CCDC66: variants seen among roughly 807,000 people sequenced by gnomAD.
CCDC66 encodes the protein coiled-coil domain-containing protein 66.
In CCDC66, 133 loss-of-function variants were observed where a neutral mutation model predicts 128.3. That is an observed-to-expected ratio of 1.04 (90% confidence interval 0.90 to 1.20). CCDC66 has a LOEUF of 1.20. CCDC66 is among the 50% of genes most tolerant of loss of function. The probability of loss-of-function intolerance (pLI) is 0.00; values close to 1 mark genes in which losing one functional copy is unlikely to be tolerated. For synonymous variants in CCDC66, 387 were observed against 357.0 expected, an observed-to-expected ratio of 1.08 and a Z score of -0.95; for missense variants, 1,126 against 1,075.5, an observed-to-expected ratio of 1.05 and a Z score of -0.66.
At chr3:56,565,773 TCTC>T (rs1232083703) in intron 4 of CCDC66, among the ~76,000 whole-genome samples, 3 of 151,082 alleles carry the variant, frequency 2.0e-5, no homozygotes, top group African/African-American at 7.3e-5. Flanking sequence ...TTCACGCCAT[TCTC>T]CTGCCTCAGC....
intron 3 of CCDC66, chr3:56,563,453 G>A (rs967873444): frequency 4.5e-6 from 2 of 441,142 alleles, no homozygotes; most frequent in Non-Finnish European, 4.0e-6. Flanking sequence ...ATTCAAAGCT[G>A]GAGTATAGTG....
intron 16 of CCDC66, 30 bp downstream of exon 16, chr3:56,619,557 A>G (rs921013956): frequency 2.6e-6 from 4 of 1,544,646 alleles, no homozygotes; most frequent in African/African-American, 1.7e-5. Flanking sequence ...TCTAACTGTA[A>G]AAATTGAAGA....
intron 12 of CCDC66, 127 bp downstream of exon 12, chr3:56,615,399 C>A: frequency 1.2e-6 from 1 of 837,712 alleles, no homozygotes; most frequent in Non-Finnish European, 1.8e-6. Context: ...GGTGCCATCA[C>A]AGCTCACTGC....
intron 10 of CCDC66, among the ~76,000 whole-genome samples, chr3:56,596,249 C>G (rs1362478791): frequency 6.6e-6 from 1 of 152,114 alleles, no homozygotes; most frequent in Non-Finnish European, 1.5e-5. Context: ...GCCATTCTAA[C>G]TGAGGCGATA....
At chr3:56,583,965 C>T (rs1458022625) in intron 7 of CCDC66, among the ~76,000 whole-genome samples, 8 of 74,138 alleles carry the variant, frequency 1.1e-4, no homozygotes, top group Non-Finnish European at 2.0e-4. Flanking sequence ...GCTGGCCGGG[C>T]GGGGGCTGCC....
chr3:56,583,444 C>A (rs977372107), intron 7 of CCDC66, among the ~76,000 whole-genome samples: 2 of 151,756 alleles, frequency 1.3e-5, no homozygotes, highest in African/African-American at 4.8e-5. Context: ...GAGGACCCTG[C>A]GGCCTTCCGC....
At chr3:56,576,288 T>A (rs1032958702) in intron 7 of CCDC66, among the ~76,000 whole-genome samples, 1 of 151,232 alleles carries the variant, frequency 6.6e-6, no homozygotes, top group African/African-American at 2.4e-5. Context: ...ATTTTTTTTG[T>A]TTTTTTATAT....
At chr3:56,586,709 C>T (rs773389541) in intron 7 of CCDC66, among the ~76,000 whole-genome samples, 1 of 151,688 alleles carries the variant, frequency 6.6e-6, no homozygotes, top group African/African-American at 2.4e-5. Context: ...ACTCCAAAGA[C>T]TTGATGCTTA....
intron 7 of CCDC66, among the ~76,000 whole-genome samples, chr3:56,575,772 G>A (rs1404734266): frequency 6.6e-6 from 1 of 151,740 alleles, no homozygotes; most frequent in Non-Finnish European, 1.5e-5. Flanking sequence ...TAAGGTCAGG[G>A]CCCTACTTTA....
chr3:56,560,134 T>C lies in CCDC66; in HGVS notation c.102+540T>C, dbSNP rs79324741. 3.8e-3 allele frequency among the ~76,000 whole-genome samples: 578 copies of C among 152,374 alleles called. 3 individuals are homozygous for C. Among genetic ancestry groups the C allele is most frequent in the African/African-American group, 0.014 (562 of 41,592 alleles). On this transcript the variant is annotated intron_variant, in intron 3 of 17. Transcript: ENST00000394672. ...GTAGCATGCATTTAGCATTTTCCTT[T>C]AAAAGGTTGCACTTGAGCTTAAGGG...
chr3:56,584,668 C>T (rs151315233), intron 7 of CCDC66, among the ~76,000 whole-genome samples: 4,861 of 151,786 alleles, frequency 0.032, 258 homozygotes, highest in African/African-American at 0.11. Flanking sequence ...GGCAGAGACG[C>T]TCCTCACTTC....
In CCDC66 at chr3:56,621,829, A is replaced by AC. The variant is rs907400637; in HGVS notation, c.*211_*212insC. 7.2e-6 allele frequency: 2 copies of AC among 277,376 alleles called. No homozygotes were observed. The allele number at this position is 277,376 out of a possible 1,614,324, so 17.2% of individuals were successfully genotyped here. A position where few individuals can be genotyped will look rare whatever the true frequency, so the allele number is the denominator to read the frequency against. On this transcript the variant is annotated 3_prime_UTR_variant, in exon 18 of 18. Transcript: ENST00000394672. Reference sequence around the variant, plus strand: ...TAAAAGCTTAGTAGTAAAAAAAAAAAAAAAAAAACCGGTTCTTCTGCTCTG... The same window carrying AC: ...TAAAAGCTTAGTAGTAAAAAAAAAAACAAAAAAAACCGGTTCTTCTGCTCTG...
At chr3:56,611,083 G>A (rs114540387) in intron 10 of CCDC66, among the ~76,000 whole-genome samples, 7,655 of 152,176 alleles carry the variant, frequency 0.05, 276 homozygotes, top group South Asian at 0.16. Flanking sequence ...AGCATCAGCT[G>A]TAGTAGTGTG....
In CCDC66 at chr3:56,603,123, C is replaced by T. The variant is rs577495670; in HGVS notation, c.1404+9095C>T. On this transcript the variant is annotated intron_variant, in intron 10 of 17. Transcript: ENST00000394672. ...GTACTGGGATTACAGGTGTGAGGCA[C>T]GGCACCCGGCCCCCTTTATCATTTT... Among the ~76,000 whole-genome samples the T allele has an allele frequency of 4.3e-4, 65 of 152,024 alleles. 1 individual carries two copies. Among genetic ancestry groups the T allele is most frequent in the Middle Eastern group, 3.4e-3 (1 of 294 alleles).
chr3:56,579,955 C>G (rs184601230), intron 7 of CCDC66, among the ~76,000 whole-genome samples: 58 of 151,494 alleles, frequency 3.8e-4, no homozygotes, highest in Non-Finnish European at 6.3e-4. Flanking sequence ...TTCAATTCCT[C>G]GATATCCTTG....
intron 10 of CCDC66, among the ~76,000 whole-genome samples, chr3:56,596,581 C>T (rs532146828): frequency 1.3e-5 from 2 of 151,922 alleles, no homozygotes; most frequent in South Asian, 4.2e-4. Flanking sequence ...TTATTGTTTC[C>T]TTTCCCGTGC....
rs143181508 is a variant in CCDC66, at chr3:56,569,385, C to T, written c.815-1796C>T. 2.7e-3 allele frequency: 816 copies of T among 302,062 alleles called. 5 individuals are homozygous for T. The highest frequency in any genetic ancestry group is 0.016 in the African/African-American group (724 of 46,334). The allele number at this position is 302,062 out of a possible 1,614,324, so 18.7% of individuals were successfully genotyped here. On this transcript the variant is annotated intron_variant, in intron 6 of 17. Coordinates refer to ENST00000394672, the MANE Select transcript of CCDC66 (RefSeq NM_001141947.3). ...TGAGGCCTCAGGAAGCTTTTACTCA[C>T]GGTGGAAGGCAAAGGGGGAGCAGGC...
intron 10 of CCDC66, among the ~76,000 whole-genome samples, chr3:56,602,892 T>C (rs1199946306): frequency 2.0e-5 from 3 of 148,314 alleles, no homozygotes; most frequent in African/African-American, 7.5e-5. Flanking sequence ...TGGAGTGCAG[T>C]GGCATGATCT....
rs1287222158 is a variant in CCDC66 at position 56,576,882 on chromosome 3, C to A, written c.936+5580C>A. On this transcript the variant is annotated intron_variant, in intron 7 of 17. Transcript: ENST00000394672. Reference sequence around the variant, plus strand: ...TGTGAATAGTGCCGCAGTAAACATACGTATGCATGTGTCTTCATAGCAGCA... The same window carrying A: ...TGTGAATAGTGCCGCAGTAAACATAAGTATGCATGTGTCTTCATAGCAGCA... Among the ~76,000 whole-genome samples, 3 of 151,702 alleles carry A rather than the reference C, an allele frequency of 2.0e-5. No individual in the cohort carries two copies. In the Admixed American group the frequency reaches 2.0e-4, roughly 10 times the overall value.
Sources: allele counts gnomAD v4.1 joint callset (sites outside exome capture counted in the v4.1 genomes callset), GRCh38; gene constraint gnomAD v4.1.1; transcripts MANE v1.5; gene names NCBI Gene and HGNC (gene_info 2026-07-23, HGNC 2026-07-21).